PATJ: variants seen among roughly 807,000 people sequenced by gnomAD.
PATJ encodes inaD-like protein.
In PATJ, 190 loss-of-function variants were observed where a neutral mutation model predicts 224.9. That is an observed-to-expected ratio of 0.84 (90% CI 0.75 to 0.95). The LOEUF (loss-of-function observed/expected upper bound fraction) is 0.95. PATJ is among the 40% of genes least tolerant of loss of function. The pLI is 0.00. For missense variants in PATJ, 2,121 were observed against 2,270.3 expected, an observed-to-expected ratio of 0.93 and a Z score of 1.34; for synonymous variants, 769 against 820.3, an observed-to-expected ratio of 0.94 and a Z score of 1.07.
chr1:61,944,278 G>A (rs556438235), intron 27 of PATJ, among the ~76,000 whole-genome samples: 4 of 152,188 alleles, frequency 2.6e-5, no homozygotes, highest in Non-Finnish European at 4.4e-5. Context: ...AAACTTCTCC[G>A]AGCTAAAGGA....
At chr1:62,101,259 C>CTTT (rs916854253) in intron 33 of PATJ, among the ~76,000 whole-genome samples, 11 of 122,644 alleles carry the variant, frequency 9.0e-5, no homozygotes, top group Non-Finnish European at 1.4e-4. Flanking sequence ...CTTTTCTTTT[C>CTTT]TTTTTTTTTT....
intron 14 of PATJ, among the ~76,000 whole-genome samples, chr1:61,817,535 G>A (rs1393890667): frequency 1.3e-5 from 2 of 152,136 alleles, no homozygotes; most frequent in Non-Finnish European, 2.9e-5. Context: ...ATGGTGGTGT[G>A]CACCTGTAAT....
At chr1:61,846,903 C>A (rs944223507) in intron 17 of PATJ, among the ~76,000 whole-genome samples, 4 of 152,138 alleles carry the variant, frequency 2.6e-5, no homozygotes, top group African/African-American at 9.7e-5. Flanking sequence ...CCAGCTACAA[C>A]TAATGTAATT....
intron 5 of PATJ, among the ~76,000 whole-genome samples, chr1:61,771,143 T>C (rs941870674): frequency 9.2e-5 from 14 of 152,140 alleles, no homozygotes; most frequent in Admixed American, 3.9e-4. Context: ...GTGTCCATAC[T>C]TGCAAAACCT....
intron 42 of PATJ, 45 bp downstream of exon 42, chr1:62,148,435 G>A: frequency 7.0e-7 from 1 of 1,421,874 alleles, no homozygotes; most frequent in Non-Finnish European, 9.9e-7. Flanking sequence ...TGTGGGCAAA[G>A]CTCGGAAGAA....
chr1:61,761,429 C>G (rs906431998), intron 1 of PATJ, among the ~76,000 whole-genome samples: 21 of 151,986 alleles, frequency 1.4e-4, no homozygotes, highest in African/African-American at 5.1e-4. Context: ...GGTTGGGGCC[C>G]CTGTAATAAA....
intron 31 of PATJ, among the ~76,000 whole-genome samples, chr1:62,055,226 G>A (rs1216832330): frequency 4.6e-5 from 7 of 152,118 alleles, no homozygotes; most frequent in Admixed American, 3.3e-4. Flanking sequence ...CTGGAAATTG[G>A]GAGAAGTGGA....
intron 22 of PATJ, among the ~76,000 whole-genome samples, chr1:61,886,870 A>C (rs1298160326): frequency 1.3e-5 from 2 of 148,908 alleles, no homozygotes; most frequent in Non-Finnish European, 3.0e-5. Context: ...AGTCCCAGCT[A>C]CTAGGGAGGC....
chr1:61,985,755 G>A (rs1033983452), intron 27 of PATJ, among the ~76,000 whole-genome samples: 1 of 151,944 alleles, frequency 6.6e-6, no homozygotes, highest in Non-Finnish European at 1.5e-5. Flanking sequence ...TCCTCTAATG[G>A]TTCCCGCCAG....
At chr1:62,107,029 T>C (rs1217557754) in intron 33 of PATJ, among the ~76,000 whole-genome samples, 1 of 151,760 alleles carries the variant, frequency 6.6e-6, no homozygotes, top group Non-Finnish European at 1.5e-5. Context: ...CCCTCTCGGC[T>C]GGGTGCAGTG....
intron 21 of PATJ, among the ~76,000 whole-genome samples, chr1:61,883,884 G>A (rs1386898685): frequency 2.7e-5 from 4 of 148,878 alleles, no homozygotes; most frequent in African/African-American, 9.8e-5. Context: ...TTTTAAATCA[G>A]TGAAATGTCA....
intron 30 of PATJ, among the ~76,000 whole-genome samples, chr1:62,047,946 T>C (rs543157900): frequency 1.5e-4 from 23 of 152,340 alleles, no homozygotes; most frequent in African/African-American, 4.1e-4. Flanking sequence ...GTGAGTCTTA[T>C]CTTCTGTAAG....
chr1:61,995,855 C>T (rs114330474), intron 28 of PATJ, among the ~76,000 whole-genome samples: 3,833 of 152,212 alleles, frequency 0.025, 102 homozygotes, highest in African/African-American at 0.06. Flanking sequence ...CATATGAATA[C>T]AGGATTCATT....
chr1:61,912,270 A>G (rs1284422398), intron 25 of PATJ, among the ~76,000 whole-genome samples: 2 of 152,112 alleles, frequency 1.3e-5, no homozygotes, highest in Admixed American at 6.6e-5. Flanking sequence ...TGCTAAAGAT[A>G]TATGTACAGA....
At chr1:62,146,207 A>G (rs1436559812) in intron 41 of PATJ, among the ~76,000 whole-genome samples, 1 of 152,054 alleles carries the variant, frequency 6.6e-6, no homozygotes, top group East Asian at 1.9e-4. Flanking sequence ...TGTGAGAGAA[A>G]CAGTGAGGAG....
intron 26 of PATJ, among the ~76,000 whole-genome samples, chr1:61,926,288 C>G (rs1271465757): frequency 6.6e-6 from 1 of 152,152 alleles, no homozygotes; most frequent in African/African-American, 2.4e-5. Context: ...TCTGGCAATC[C>G]ACATTCAGAC....
chr1:61,933,050 G>T (rs1266823319), intron 27 of PATJ, among the ~76,000 whole-genome samples: 1 of 152,076 alleles, frequency 6.6e-6, no homozygotes, highest in Admixed American at 6.6e-5. Context: ...TGACATCCTG[G>T]TGTCTAATTA....
intron 13 of PATJ, among the ~76,000 whole-genome samples, chr1:61,806,688 A>T (rs1653633330): frequency 6.6e-6 from 1 of 151,480 alleles, no homozygotes; most frequent in Non-Finnish European, 1.5e-5. Flanking sequence ...CCTGTGTGTC[A>T]GTTCTCATGA....
At chr1:61,788,240 G>C (rs1331683164) in intron 8 of PATJ, among the ~76,000 whole-genome samples, 3 of 152,064 alleles carry the variant, frequency 2.0e-5, no homozygotes, top group Non-Finnish European at 4.4e-5. Context: ...TATTTCATTG[G>C]GCTGGTGAGG....
Sources: allele counts gnomAD v4.1 joint callset (sites outside exome capture counted in the v4.1 genomes callset), GRCh38; gene constraint gnomAD v4.1.1; transcripts MANE v1.5; gene names NCBI Gene and HGNC (gene_info 2026-07-23, HGNC 2026-07-21).